FAM20C: variants seen among roughly 807,000 people sequenced by gnomAD.
FAM20C encodes the protein extracellular serine/threonine protein kinase FAM20C.
A neutral mutation model predicts 51.5 loss-of-function variants in FAM20C; 40 were observed. The observed-to-expected ratio is 0.78, with a 90% CI of 0.60 to 1.01. FAM20C has a LOEUF of 1.01. FAM20C is among the 50% of genes least tolerant of loss of function. The pLI is 0.00. For synonymous variants in FAM20C, 406 were observed against 380.6 expected (o/e 1.07, Z -0.78); for missense variants, 861 against 844.7 (o/e 1.02, Z -0.24).
At chr7:251,563 A>G (rs1788406483) in intron 5 of FAM20C, among the ~76,000 whole-genome samples, 1 of 151,972 alleles carries the variant, frequency 6.6e-6, no homozygotes, top group African/African-American at 2.4e-5. Flanking sequence ...AAGCAGGTGA[A>G]TTAAGTCACC....
intron 5 of FAM20C, 89 bp from the exon 6 acceptor site, chr7:255,760 G>GAGCCC: frequency 1.4e-6 from 2 of 1,434,666 alleles, no homozygotes; most frequent in Non-Finnish European, 1.9e-6. Flanking sequence ...GCACCAGGCA[G>GAGCCC]AGCCCGGCCC....
intron 3 of FAM20C, among the ~76,000 whole-genome samples, chr7:216,831 G>A (rs375617103): frequency 3.3e-5 from 5 of 152,068 alleles, no homozygotes; most frequent in Admixed American, 1.3e-4. Context: ...AAGGGCTTGC[G>A]GGGCTGACAC....
rs962852183 is a variant in FAM20C at position 257,172 on chromosome 7, G to T, written c.1445+86G>T. On this transcript the variant is annotated intron_variant, in intron 8 of 9. Transcript: ENST00000313766. ...AGCCCACCTGAGACCCTGGGGACGG[G>T]GGGAGCAGACCCTCCAGTGGAGGGA... 4.6e-6 allele frequency: 6 copies of T among 1,294,988 alleles called. No individual in the cohort carries two copies. In the African/African-American group the frequency reaches 7.3e-5, roughly 16 times the overall value. The allele number at this position is 1,294,988 out of a possible 1,614,324, so 80.2% of individuals were successfully genotyped here. A position where few individuals can be genotyped will look rare whatever the true frequency, so the allele number is the denominator to read the frequency against.
At chr7:252,127 C>G (rs1411012134) in intron 5 of FAM20C, among the ~76,000 whole-genome samples, 1 of 152,262 alleles carries the variant, frequency 6.6e-6, no homozygotes, top group Non-Finnish European at 1.5e-5. Flanking sequence ...GTCTCCCAAC[C>G]ACAGATGCCA....
intron 3 of FAM20C, among the ~76,000 whole-genome samples, chr7:219,581 G>T (rs1464020651): frequency 1.3e-5 from 2 of 152,196 alleles, no homozygotes; most frequent in Non-Finnish European, 2.9e-5. Flanking sequence ...CCCCTCCTGG[G>T]GCCTTGGCTG....
rs886556218 is a variant in FAM20C at position 212,237 on chromosome 7, C to T, written c.863+3261C>T. On this transcript the variant is annotated intron_variant, in intron 3 of 9. Transcript: ENST00000313766. ...CAGCACTTCGGGAGGCCGAGGCTGGCGGATCATTTGAATCCAGGAGTTCAA... is the reference window on the plus strand; with the variant it reads ...CAGCACTTCGGGAGGCCGAGGCTGGTGGATCATTTGAATCCAGGAGTTCAA... Among the ~76,000 whole-genome samples, 26 of 152,320 alleles carry T rather than the reference C, an allele frequency of 1.7e-4. 1 individual carries two copies. Among genetic ancestry groups the T allele is most frequent in the Admixed American group, 4.6e-4 (7 of 15,294 alleles).
At chr7:206,077 G>A (rs867152548) in intron 2 of FAM20C, among the ~76,000 whole-genome samples, 3 of 152,182 alleles carry the variant, frequency 2.0e-5, no homozygotes, top group East Asian at 3.9e-4. Context: ...TGGAGGAGCC[G>A]TGAGGTCCCT....
chr7:258,036 G>GA (rs1357282619), intron 8 of FAM20C, among the ~76,000 whole-genome samples: 8 of 89,120 alleles, frequency 9.0e-5, no homozygotes, highest in East Asian at 3.6e-4. Context: ...CCCACTGCCC[G>GA]GGTGCTGGAG....
intron 3 of FAM20C, among the ~76,000 whole-genome samples, chr7:242,546 G>A (rs1787975857): frequency 6.6e-6 from 1 of 152,172 alleles, no homozygotes; most frequent in Admixed American, 6.5e-5. Flanking sequence ...CTGGGGGAGG[G>A]GGTGGACTCG....
chr7:217,694 G>A (rs73040192), intron 3 of FAM20C, among the ~76,000 whole-genome samples: 9,468 of 152,182 alleles, frequency 0.062, 374 homozygotes, highest in Middle Eastern at 0.12. Flanking sequence ...GCAGTCCCAC[G>A]TGGCCACGTC....
chr7:214,182 G>A (rs535245196), intron 3 of FAM20C, among the ~76,000 whole-genome samples: 57 of 152,178 alleles, frequency 3.7e-4, no homozygotes, highest in African/African-American at 1.2e-3. Flanking sequence ...AAAATTAGCT[G>A]GGCGTGGTGA....
intron 3 of FAM20C, among the ~76,000 whole-genome samples, chr7:240,630 C>G (rs1020133158): frequency 6.6e-6 from 1 of 152,148 alleles, no homozygotes; most frequent in South Asian, 2.1e-4. Context: ...CTGGACAATT[C>G]TTTGACTGAG....
intron 3 of FAM20C, among the ~76,000 whole-genome samples, chr7:245,278 C>T (rs1034104161): frequency 7.5e-5 from 11 of 146,036 alleles, no homozygotes; most frequent in Non-Finnish European, 1.2e-4. Flanking sequence ...GCAGGGCGTG[C>T]GAGCTGGGGA....
chr7:246,445 C>G lies in FAM20C; in HGVS notation c.894C>G (p.Asp298Glu), dbSNP rs1021833420. 5 of 1,445,246 alleles carry G rather than the reference C, an allele frequency of 3.5e-6. No individual in the cohort carries two copies. The highest frequency in any genetic ancestry group is 4.5e-6 in the Non-Finnish European group (5 of 1,107,004). 89.5% of individuals were successfully genotyped at this position (1,445,246 alleles called of 1,614,324 possible). The change falls in exon 4 of 10, where the codon GAC becomes GAG. Residue 298 changes from aspartate to glutamate, a missense_variant. By Grantham distance (45) the Asp-to-Glu change is conservative. This residue lies in a region of FAM20C where 561 missense variants were observed against 499.8 expected (regional missense o/e 1.12). Coordinates refer to ENST00000313766, the MANE Select transcript of FAM20C (RefSeq NM_020223.4). ...CGAGGGAGCAGGAGACACCCCCTGA[C>G]TTTTTTTATTTCTCTGACTACGAGA... ...KQTREQETPPDFFYFSDYERH... is the reference protein window; with the variant it reads ...KQTREQETPPEFFYFSDYERH...
In FAM20C at chr7:259,976, G is replaced by A. The variant is rs1248179012; in HGVS notation, c.1751G>A (p.Arg584Lys). 4 of 1,510,446 alleles carry A rather than the reference G, an allele frequency of 2.6e-6. No homozygotes were observed. Among genetic ancestry groups the A allele is most frequent in the Non-Finnish European group, 3.5e-6 (4 of 1,127,222 alleles). 93.6% of individuals were successfully genotyped at this position (1,510,446 alleles called of 1,614,324 possible). Reference protein sequence around the residue: ...LDTEHRAASAR With the variant: ...LDTEHRAASAK ...ACTGAGCACAGAGCCGCCTCGGCGA[G>A]GTAGTGTCCGCCGGCCGCTGCGCTG... is the stretch of plus-strand genomic sequence containing the variant. The change falls in exon 10 of 10, where the codon AGG becomes AAG. Residue 584 changes from arginine to lysine, a missense_variant. Arg to Lys is a conservative substitution (Grantham distance 26). This residue lies in a region of FAM20C where 269 missense variants were observed against 283.8 expected (regional missense o/e 0.95). Transcript: ENST00000313766.
intron 5 of FAM20C, 112 bp from the exon 6 acceptor site, chr7:255,737 C>A: frequency 8.5e-7 from 1 of 1,178,992 alleles, no homozygotes; most frequent in Non-Finnish European, 1.2e-6. Flanking sequence ...TGGGTGAGTC[C>A]TGCCCATGAG....
chr7:250,281 C>A (rs934212328), intron 5 of FAM20C, among the ~76,000 whole-genome samples: 1 of 151,956 alleles, frequency 6.6e-6, no homozygotes, highest in African/African-American at 2.4e-5. Flanking sequence ...AGCTCCGTTC[C>A]GTCAGCCAGG....
At chr7:259,484 T>TCTCTCTCCC (rs1562402875) in intron 9 of FAM20C, among the ~76,000 whole-genome samples, 3 of 146,494 alleles carry the variant, frequency 2.0e-5, no homozygotes, top group Non-Finnish European at 3.0e-5. Flanking sequence ...GTCTGCCTGT[T>TCTCTCTCCC]TCTCTTTATC....
At chr7:194,799 G>T (rs917841926) in intron 1 of FAM20C, among the ~76,000 whole-genome samples, 1 of 146,392 alleles carries the variant, frequency 6.8e-6, no homozygotes, top group Non-Finnish European at 1.5e-5. Flanking sequence ...CGTGTCCACC[G>T]CAGGACAGAG....
Sources: gnomAD v4.1 joint callset for allele counts (sites outside exome capture counted in the v4.1 genomes callset) on GRCh38, gnomAD v4.1.1 for gene constraint, gnomAD v4.1.1 regional missense constraint, MANE v1.5 for transcripts, NCBI Gene and HGNC (gene_info 2026-07-23, HGNC 2026-07-21) for gene names.